Variants in TENT2 observed in about 807,000 individuals in gnomAD.
TENT2 encodes the protein terminal nucleotidyltransferase 2, also known as poly(A) RNA polymerase GLD2.
Under a neutral mutation model 72.2 loss-of-function variants are expected in TENT2, and 44 were observed. The observed-to-expected ratio is 0.61, with a 90% CI of 0.48 to 0.78. TENT2 has a LOEUF of 0.78. TENT2 is among the 30% of genes least tolerant of loss of function. The pLI is 0.00. For missense variants in TENT2, 541 were observed against 569.6 expected, an observed-to-expected ratio of 0.95 and a Z score of 0.51; for synonymous variants, 212 against 192.5, an observed-to-expected ratio of 1.10 and a Z score of -0.84.
chr5:79,648,255 C>T (rs998880994), intron 8 of TENT2, among the ~76,000 whole-genome samples: 1 of 151,866 alleles, frequency 6.6e-6, no homozygotes, highest in Non-Finnish European at 1.5e-5. Context: ...CTGGAGTAAG[C>T]TATGACTGTG....
chr5:79,678,756 T>C (rs1395571321), intron 12 of TENT2, among the ~76,000 whole-genome samples: 1 of 152,170 alleles, frequency 6.6e-6, no homozygotes, highest in Non-Finnish European at 1.5e-5. Context: ...ATCATACACA[T>C]AAAGATGTAC....
At chr5:79,623,530 T>C (rs1766799455) in intron 4 of TENT2, 41 bp downstream of exon 4, 2 of 1,369,258 alleles carry the variant, frequency 1.5e-6, no homozygotes, top group Non-Finnish European at 1.0e-6. Flanking sequence ...TTTGGGAATT[T>C]AGTATAAATA....
rs1306815272 is a variant in TENT2 at position 79,687,798 on chromosome 5, G to T, written c.*2525G>T. On this transcript the variant is annotated 3_prime_UTR_variant, in exon 15 of 15. Coordinates refer to ENST00000453514, the MANE Select transcript of TENT2 (RefSeq NM_001114394.3). ...CTAAATTTTGGATTGATTTGAACTA[G>T]GATCTTTGCAAATAAATCTCATAGA... Among the ~76,000 whole-genome samples the T allele has an allele frequency of 2.0e-5, 3 of 152,146 alleles. No homozygotes were observed. The highest frequency in any genetic ancestry group is 7.2e-5 in the African/African-American group (3 of 41,422).
chr5:79,637,859 A>G (rs1442442818), intron 4 of TENT2, among the ~76,000 whole-genome samples: 3 of 142,322 alleles, frequency 2.1e-5, no homozygotes, highest in Non-Finnish European at 4.5e-5. Flanking sequence ...GTGCAGTGGC[A>G]TGATCTCAGC....
intron 11 of TENT2, among the ~76,000 whole-genome samples, chr5:79,658,162 T>G (rs1285901771): frequency 6.6e-6 from 1 of 152,164 alleles, no homozygotes; most frequent in African/African-American, 2.4e-5. Flanking sequence ...AACAAGAGCC[T>G]TTTAGAATCT....
rs1347063655 is a variant in TENT2 at position 79,679,603 on chromosome 5, TC to T, written c.1234del (p.Arg412ValfsTer21). The T allele has an allele frequency of 6.2e-7, 1 of 1,601,156 alleles. No homozygotes were observed. The highest frequency in any genetic ancestry group is 8.5e-7 in the Non-Finnish European group (1 of 1,172,880). On this transcript the variant is annotated frameshift_variant, in exon 13 of 15. Transcript: ENST00000453514. LOFTEE classifies it high-confidence loss of function. ...FDWNSQMISV[R>X]EAKAIPRPDG... ...GCTGGAATAGTCAAATGATTTCAGTTCGTGAAGCCAAAGCCATTCCAAGGCC... is the reference window on the plus strand; with the variant it reads ...GCTGGAATAGTCAAATGATTTCAGTTGTGAAGCCAAAGCCATTCCAAGGCC...
intron 1 of TENT2, 33 bp from the exon 2 acceptor site, chr5:79,619,579 A>G (rs1406780678): frequency 3.5e-6 from 5 of 1,441,988 alleles, no homozygotes; most frequent in South Asian, 2.8e-5. Flanking sequence ...TTAAGCTATG[A>G]TAATTTAATA....
chr5:79,639,855 C>T lies in TENT2; in HGVS notation c.466-996C>T, dbSNP rs963032367. ...AAGAATACTGGAGGAAATAAAAGTC[C>T]GGAAAGGGAGTATGTTGTGATATGT... is the stretch of plus-strand genomic sequence containing the variant. On this transcript the variant is annotated intron_variant, in intron 4 of 14. Coordinates refer to ENST00000453514, the MANE Select transcript of TENT2 (RefSeq NM_001114394.3). 2.6e-5 allele frequency among the ~76,000 whole-genome samples: 4 copies of T among 151,950 alleles called. No individual in the cohort carries two copies. The South Asian group carries it at 6.2e-4, about 24-fold the overall frequency.
At chr5:79,642,810 C>G (rs780791495) in intron 6 of TENT2, 22 bp from the exon 7 acceptor site, 15 of 1,572,762 alleles carry the variant, frequency 9.5e-6, no homozygotes, top group South Asian at 9.0e-5. Context: ...AATGAAAAAA[C>G]ACTTTATTTT....
chr5:79,616,613 G>A (rs564669906), intron 1 of TENT2, among the ~76,000 whole-genome samples: 2 of 152,260 alleles, frequency 1.3e-5, no homozygotes, highest in African/African-American at 2.4e-5. Context: ...CCCAGCCCAG[G>A]ATTATTGTAT....
At position 79,623,281 on chromosome 5, in the gene TENT2, T is replaced by G. The variant is rs199826588; in HGVS notation, c.257T>G (p.Leu86Arg). Residue 86 changes from leucine (L) to arginine (R), a missense_variant, in exon 4 of 15, where the codon CTT (leucine) becomes CGT (arginine). Coordinates refer to ENST00000453514, the MANE Select transcript of TENT2 (RefSeq NM_001114394.3). Reference protein sequence around the residue: ...KRLSDEKNLPLDGKRQRFHSP... With the variant: ...KRLSDEKNLPRDGKRQRFHSP... ...TTAAGCGATGAAAAAAACCTTCCTC[T>G]TGACGGTAAACGGCAACGTTTCCAT... is the stretch of plus-strand genomic sequence containing the variant. The G allele has an allele frequency of 4.8e-4, 782 of 1,613,314 alleles. 4 individuals carry two copies. Among genetic ancestry groups the G allele is most frequent in the Non-Finnish European group, 1.4e-4 (168 of 1,179,568 alleles).
At chr5:79,671,253 T>C (rs1812742839) in intron 12 of TENT2, among the ~76,000 whole-genome samples, 1 of 152,154 alleles carries the variant, frequency 6.6e-6, no homozygotes, top group Admixed American at 6.5e-5. Context: ...ATATGAGATA[T>C]TTTCAGAAAT....
rs1388390452 is a variant in TENT2, at chr5:79,639,374, G to T, written c.466-1477G>T. ...GAAGTAATTGCTAAGTGATGCTAAG[G>T]GCCAACCTAAGACTATAAACTTGAA... On this transcript the variant is annotated intron_variant, in intron 4 of 14. Coordinates refer to ENST00000453514, the MANE Select transcript of TENT2 (RefSeq NM_001114394.3). 2.0e-5 allele frequency among the ~76,000 whole-genome samples: 3 copies of T among 152,048 alleles called. No homozygotes were observed. In the East Asian group the frequency reaches 5.8e-4, roughly 29 times the overall value.
chr5:79,629,902 G>A (rs577363363), intron 4 of TENT2, among the ~76,000 whole-genome samples: 6 of 152,078 alleles, frequency 3.9e-5, no homozygotes, highest in Non-Finnish European at 5.9e-5. Flanking sequence ...GGGAGGCCGA[G>A]GCGGGTGGAT....
At chr5:79,664,802 A>G (rs1200443127) in intron 11 of TENT2, among the ~76,000 whole-genome samples, 1 of 152,188 alleles carries the variant, frequency 6.6e-6, no homozygotes, top group Non-Finnish European at 1.5e-5. Context: ...CTAAACAGTT[A>G]ATAAATCCTT....
intron 13 of TENT2, among the ~76,000 whole-genome samples, chr5:79,680,812 A>C (rs976680563): frequency 1.6e-4 from 24 of 152,078 alleles, no homozygotes; most frequent in Non-Finnish European, 3.4e-4. Flanking sequence ...TTCCATGCTA[A>C]AATTCTTAAT....
intron 4 of TENT2, among the ~76,000 whole-genome samples, chr5:79,633,414 G>A (rs868196328): frequency 6.8e-6 from 1 of 146,862 alleles, no homozygotes; most frequent in Non-Finnish European, 1.5e-5. Flanking sequence ...ATTAGGTCTC[G>A]GTATTTCCAG....
intron 7 of TENT2, among the ~76,000 whole-genome samples, chr5:79,643,232 G>A (rs1785842457): frequency 6.6e-6 from 1 of 152,112 alleles, no homozygotes; most frequent in South Asian, 2.1e-4. Flanking sequence ...TTGTAATACA[G>A]AGTATCTGTG....
intron 1 of TENT2, among the ~76,000 whole-genome samples, chr5:79,614,382 C>T (rs760907553): frequency 2.4e-4 from 36 of 152,094 alleles, no homozygotes; most frequent in Non-Finnish European, 3.7e-4. Flanking sequence ...GGATTACAGG[C>T]GTGAGCCACT....
Sources: allele counts gnomAD v4.1 joint callset (sites outside exome capture counted in the v4.1 genomes callset), GRCh38; gene constraint gnomAD v4.1.1; transcripts MANE v1.5; gene names NCBI Gene and HGNC (gene_info 2026-07-23, HGNC 2026-07-21).